LTBP4: variants seen among roughly 807,000 people sequenced by gnomAD.
The protein encoded by LTBP4 is latent transforming growth factor beta binding protein 4.
LTBP4 carries 93 observed loss-of-function variants against 180.2 expected under a neutral mutation model. The observed-to-expected ratio is 0.52, with a 90% CI of 0.44 to 0.61. The LOEUF is 0.61. Among genes scored for constraint, LTBP4 ranks in the 20% least tolerant of loss-of-function variants. The pLI, the probability that LTBP4 is intolerant of heterozygous loss-of-function variation, is 0.00. For synonymous variants in LTBP4, 947 were observed against 934.5 expected, an observed-to-expected ratio of 1.01 and a Z score of -0.24; for missense variants, 2,116 against 2,256.5, an observed-to-expected ratio of 0.94 and a Z score of 1.26.
intron 19 of LTBP4, chr19:40,615,202 G>GC (rs1555737808): frequency 6.8e-6 from 1 of 147,918 alleles, no homozygotes; most frequent in Admixed American, 6.7e-5. Flanking sequence ...GCGGGGGGGG[G>GC]GGGGCGGTGA....
In LTBP4 at chr19:40,606,477, T is replaced by A. The variant is rs1286740150; in HGVS notation, c.942T>A (p.Cys314Ter). The A allele has an allele frequency of 6.3e-7, 1 of 1,581,252 alleles. No homozygotes were observed. Among genetic ancestry groups the A allele is most frequent in the Non-Finnish European group, 8.6e-7 (1 of 1,164,902 alleles). Residue 314 changes from cysteine to a stop codon, truncating the protein, a stop_gained, in exon 6 of 30, where the codon TGT becomes TGA. Transcript: ENST00000396819. LOFTEE classifies it high-confidence loss of function. ...CAAACACGCGCGGCGGGTACACGTG[T>A]GTGTGCCCCGACGGCTTTCTGCTCG... ...ECANTRGGYT[C>*]VCPDGFLLDS...
intron 26 of LTBP4, among the ~76,000 whole-genome samples, chr19:40,625,263 TA>T (rs2081617167): frequency 6.0e-4 from 1 of 1,662 alleles, no homozygotes; most frequent in Non-Finnish European, 1.2e-3. Flanking sequence ...TATATATATA[TA>T]TATATATATA....
chr19:40,610,484 T>G, intron 11 of LTBP4, 48 bp from the exon 12 acceptor site: 1 of 1,556,630 alleles, frequency 6.4e-7, no homozygotes, highest in Non-Finnish European at 8.7e-7. Flanking sequence ...GCGTCGCTTC[T>G]CCCGGGGCTG....
At chr19:40,606,775 T>A (rs1184111199) in intron 6 of LTBP4, among the ~76,000 whole-genome samples, 1 of 151,618 alleles carries the variant, frequency 6.6e-6, no homozygotes, top group Non-Finnish European at 1.5e-5. Context: ...GGAGATGGAG[T>A]CTCGCTCTGT....
In LTBP4 at chr19:40,624,083, G is replaced by A; in HGVS notation, c.3832+1G>A. ...GTCTCCAACGAGAGCCAGAGCCTCG[G>A]TAACCCCGCCCACGCCATCCAGGCC... is the stretch of plus-strand genomic sequence containing the variant. On this transcript the variant is annotated splice_donor_variant, in intron 26 of 29. Transcript: ENST00000396819. LOFTEE classifies it high-confidence loss of function. The A allele has an allele frequency of 1.9e-6, 3 of 1,549,624 alleles. No homozygotes were observed. The highest frequency in any genetic ancestry group is 3.9e-4 in the Middle Eastern group (2 of 5,130).
chr19:40,609,717 C>T lies in LTBP4; in HGVS notation c.1559-29C>T. The stretch of plus-strand genomic sequence containing the variant: ...GGGGCGGGGGGCTTTGCCTGGTCAC[C>T]TTGTCACCAGCCCCCTCCGTGTCCT... On this transcript the variant is annotated intron_variant, in intron 10 of 29. Transcript: ENST00000396819. This position sits in a 1 kb window ranked among gnomAD's most constrained non-coding sequence, Gnocchi z 4.9. The T allele has an allele frequency of 6.2e-7, 1 of 1,611,378 alleles. No homozygotes were observed. Among genetic ancestry groups the T allele is most frequent in the Non-Finnish European group, 8.5e-7 (1 of 1,178,320 alleles).
chr19:40,613,499 C>A lies in LTBP4; in HGVS notation c.2527C>A (p.Arg843=), dbSNP rs2081523506. 2.5e-6 allele frequency: 4 copies of A among 1,579,712 alleles called. No individual in the cohort carries two copies. The highest frequency in any genetic ancestry group is 1.3e-5 in the African/African-American group (1 of 74,216). The change falls in exon 17 of 30, where the codon CGA becomes AGA. Residue 843 remains arginine (R), a synonymous_variant. Transcript: ENST00000396819. The surrounding 1 kb of genome is among the most constrained non-coding windows in gnomAD (Gnocchi z 5.0). The stretch of plus-strand genomic sequence containing the variant: ...TGCCTGTACTTGTGCCCCTGGCTAC[C>A]GACCCGGACCCCGCGGAGCCTCTTG... ...SFACTCAPGY[R]PGPRGASCLD... is the part of the protein sequence containing the mutation.
intron 27 of LTBP4, 67 bp from the exon 28 acceptor site, chr19:40,626,908 G>T (rs185418830): frequency 5.4e-6 from 8 of 1,475,584 alleles, no homozygotes; most frequent in African/African-American, 2.8e-5. Flanking sequence ...TCTCCCAAGG[G>T]GGGTATGTGA....
At position 40,627,336 on chromosome 19, in the gene LTBP4, T is replaced by C. The variant is rs1330222866; in HGVS notation, c.4347T>C (p.Pro1449=). 2.6e-6 allele frequency: 4 copies of C among 1,515,136 alleles called. No homozygotes were observed. The highest frequency in any genetic ancestry group is 2.6e-6 in the Non-Finnish European group (3 of 1,133,684). The allele number at this position is 1,515,136 out of a possible 1,614,324, so 93.9% of individuals were successfully genotyped here. A position where few individuals can be genotyped will look rare whatever the true frequency, so the allele number is the denominator to read the frequency against. ...CCTTCCCAGAGCCCGAGGAGCCTCC[T>C]GAAGGTGGAAGCTATGCTGGTGAGC... The part of the protein sequence containing the change: ...RRSFPEPEEP[P]EGGSYAGSLA... The change falls in exon 28 of 30, where the codon CCT becomes CCC. Residue 1449 remains proline (P), a synonymous_variant. Transcript: ENST00000396819.
At chr19:40,619,632 A>G (rs897361143) in intron 22 of LTBP4, 139 bp downstream of exon 22, 19 of 957,188 alleles carry the variant, frequency 2.0e-5, no homozygotes, top group Non-Finnish European at 2.6e-5. Flanking sequence ...ATAAGTTAAC[A>G]TGGGTAGTGA....
chr19:40,593,290 T>G, intron 1 of LTBP4: 134 of 1,213,002 alleles, frequency 1.1e-4, no homozygotes, highest in Non-Finnish European at 1.5e-4. Context: ...TTGCCCGGGC[T>G]AGGGTGCAGT....
In LTBP4 at chr19:40,617,092, G is replaced by A; in HGVS notation, c.2945-8G>A. 6.2e-7 allele frequency: 1 copy of A among 1,614,040 alleles called. No homozygotes were observed. On this transcript the variant is annotated splice_polypyrimidine_tract_variant and splice_region_variant and intron_variant, in intron 20 of 29. Coordinates refer to ENST00000396819, the MANE Select transcript of LTBP4 (RefSeq NM_001042545.2). ...TCCAGAAATGGCCTGACTGTCTGGT[G>A]GTTGCAGATGTGGACGAATGCCGGA... is the stretch of plus-strand genomic sequence containing the variant.
At chr19:40,624,161 G>A (rs1373078557) in intron 26 of LTBP4, 79 bp downstream of exon 26, 2 of 1,431,080 alleles carry the variant, frequency 1.4e-6, no homozygotes, top group East Asian at 2.5e-5. Flanking sequence ...CCTTTGCGAC[G>A]GCCACGCCCT....
Position 40,622,351 on chromosome 19 carries a change from C to A in LTBP4, c.3218-50C>A. On this transcript the variant is annotated intron_variant, in intron 22 of 29. Coordinates refer to ENST00000396819, the MANE Select transcript of LTBP4 (RefSeq NM_001042545.2). The surrounding 1 kb of genome is among the most constrained non-coding windows in gnomAD (Gnocchi z 5.1). ...TCAGTTTCCCCATCTATGATAGTGGCGGGGCTGGGGATTCAGCCCACACTG... is the reference window on the plus strand; with the variant it reads ...TCAGTTTCCCCATCTATGATAGTGGAGGGGCTGGGGATTCAGCCCACACTG... The A allele has an allele frequency of 1.4e-6, 2 of 1,453,830 alleles. No homozygotes were observed. The highest frequency in any genetic ancestry group is 1.8e-6 in the Non-Finnish European group (2 of 1,093,752). 90.1% of individuals were successfully genotyped at this position (1,453,830 alleles called of 1,614,324 possible).
At position 40,622,842 on chromosome 19, in the gene LTBP4, C is replaced by A; in HGVS notation, c.3485-108C>A. On this transcript the variant is annotated intron_variant, in intron 23 of 29. Transcript: ENST00000396819. This position sits in a 1 kb window ranked among gnomAD's most constrained non-coding sequence, Gnocchi z 5.1. Reference sequence around the variant, plus strand: ...GGCAGACATAAGGCTGAGAGGTGGGCACTAACAGGCACAGGGCCAGAGGGA... The same window carrying A: ...GGCAGACATAAGGCTGAGAGGTGGGAACTAACAGGCACAGGGCCAGAGGGA... The A allele has an allele frequency of 1.5e-6, 2 of 1,375,544 alleles. No individual in the cohort carries two copies. Among genetic ancestry groups the A allele is most frequent in the South Asian group, 1.3e-5 (1 of 74,530 alleles). 85.2% of individuals were successfully genotyped at this position (1,375,544 alleles called of 1,614,324 possible).
rs182417191 is a variant in LTBP4, at chr19:40,623,395, G to A, written c.3557-209G>A. Among the ~76,000 whole-genome samples, 127 of 151,984 alleles carry A rather than the reference G, an allele frequency of 8.4e-4. 1 individual carries two copies. The highest frequency in any genetic ancestry group is 2.9e-3 in the African/African-American group (121 of 41,438). On this transcript the variant is annotated intron_variant, in intron 24 of 29. Transcript: ENST00000396819. ...TCACCATGTTGGCCAGATTGGTCTC[G>A]AACTCCTGACCTCAAGTGATCCGCC...
chr19:40,619,883 G>T (rs577011430), intron 22 of LTBP4, among the ~76,000 whole-genome samples: 121 of 152,306 alleles, frequency 7.9e-4, no homozygotes, highest in Non-Finnish European at 1.0e-3. Flanking sequence ...GCCCAGGGGG[G>T]TTTTGGAGGA....
In LTBP4 at chr19:40,627,227, G is replaced by C; in HGVS notation, c.4238G>C (p.Gly1413Ala). Residue 1413 changes from glycine to alanine, a missense_variant, in exon 28 of 30, where the codon GGT becomes GCT. By Grantham distance (60) the Gly-to-Ala change is moderately conservative. This residue lies in a region of LTBP4 where 488 missense variants were observed against 458.8 expected (regional missense o/e 1.06). Coordinates refer to ENST00000396819, the MANE Select transcript of LTBP4 (RefSeq NM_001042545.2). ...GACATGCCAGACTTTGAGGACGATG[G>C]TGGCCCCTATGGCGAATCTGAGGCT... is the stretch of plus-strand genomic sequence containing the variant. Reference protein sequence around the residue: ...RFDMPDFEDDGGPYGESEAPA... With the variant: ...RFDMPDFEDDAGPYGESEAPA... The C allele has an allele frequency of 1.2e-6, 2 of 1,605,694 alleles. No homozygotes were observed. Among genetic ancestry groups the C allele is most frequent in the East Asian group, 4.5e-5 (2 of 44,608 alleles).
In LTBP4 at chr19:40,612,103, G is replaced by C; in HGVS notation, c.2210G>C (p.Cys737Ser). 1 of 1,613,676 alleles carries C rather than the reference G, an allele frequency of 6.2e-7. No homozygotes were observed. Among genetic ancestry groups the C allele is most frequent in the Non-Finnish European group, 8.5e-7 (1 of 1,179,780 alleles). The change falls in exon 15 of 30, where the codon TGC becomes TCC. Residue 737 changes from cysteine (C) to serine (S), a missense_variant. By Grantham distance (112) the Cys-to-Ser change is moderately radical (BLOSUM62 -1). Around this residue, in one of 5 missense-constraint regions of LTBP4, gnomAD observed 877 missense variants for 873.6 expected, o/e 1.00. Transcript: ENST00000396819. ...GATGAGTGTGAGAACCACCTCGCAT[G>C]CCCTGGGCAGGAGTGTGTGAACTCG... ...DVDECENHLA[C>S]PGQECVNSPG...
Sources: allele counts gnomAD v4.1 joint callset (sites outside exome capture counted in the v4.1 genomes callset), GRCh38; gene constraint gnomAD v4.1.1; regional missense constraint gnomAD v4.1.1; non-coding constraint Gnocchi (gnomAD v3.1); transcripts MANE v1.5; gene names NCBI Gene and HGNC (gene_info 2026-07-23, HGNC 2026-07-21).